Variants in MRPL20 observed in about 807,000 individuals in gnomAD.
MRPL20 encodes mitochondrial ribosomal protein L20, also known as large ribosomal subunit protein bL20m.
Under a neutral mutation model 20.0 loss-of-function variants are expected in MRPL20, and 21 were observed. That is an observed-to-expected ratio of 1.05 (90% CI 0.74 to 1.51). The LOEUF is 1.51. Among genes scored for constraint, MRPL20 ranks in the 40% most tolerant of loss-of-function variants. The pLI is 0.00. For missense variants in MRPL20, 252 were observed against 185.6 expected (o/e 1.36, Z -2.08); for synonymous variants, 104 against 73.0 (o/e 1.43, Z -2.17).
chr1:1,403,956 C>G (rs1645358749), intron 3 of MRPL20, among the ~76,000 whole-genome samples: 1 of 152,198 alleles, frequency 6.6e-6, no homozygotes, highest in Non-Finnish European at 1.5e-5. Context: ...AATCTCCTGC[C>G]TCAGCCTCCC....
rs1260121456 is a variant in MRPL20, at chr1:1,406,899, C to T, written c.198+10G>A. 2.5e-6 allele frequency: 4 copies of T among 1,609,162 alleles called. No homozygotes were observed. The highest frequency in any genetic ancestry group is 2.2e-5 in the South Asian group (2 of 90,962). The stretch of plus-strand genomic sequence containing the variant: ...GCGCTGGCCGGCGGGTGTCCCGGGT[C>T]CACGCTTACGGTCCTCATGTTCTTT... On this transcript the variant is annotated intron_variant, in intron 2 of 3. Coordinates refer to ENST00000344843, the MANE Select transcript of MRPL20 (RefSeq NM_017971.4).
Position 1,406,972 on chromosome 1 carries a change from G to T in MRPL20, c.135C>A (p.Thr45=). ...KNRCYRLAVR[T]VIRAFVKCTK... Reference sequence around the variant, plus strand: ...TGCATTTCACAAAGGCTCGAATCACGGTTCTGACCGCCAACCTGTAGCAGC... The same window carrying T: ...TGCATTTCACAAAGGCTCGAATCACTGTTCTGACCGCCAACCTGTAGCAGC... Residue 45 remains threonine, a synonymous_variant, in exon 2 of 4, where the codon ACC becomes ACA. Coordinates refer to ENST00000344843, the MANE Select transcript of MRPL20 (RefSeq NM_017971.4). 6.2e-7 allele frequency: 1 copy of T among 1,613,850 alleles called. No individual in the cohort carries two copies. The highest frequency in any genetic ancestry group is 1.7e-5 in the Admixed American group (1 of 60,022).
At chr1:1,405,470 C>T in intron 3 of MRPL20, 2 of 597,452 alleles carry the variant, frequency 3.3e-6, no homozygotes, top group South Asian at 2.0e-5. Context: ...AGAGAGTGGT[C>T]TCACTATGTT....
intron 3 of MRPL20, among the ~76,000 whole-genome samples, chr1:1,404,486 A>G (rs1299895888): frequency 6.6e-6 from 1 of 151,332 alleles, no homozygotes; most frequent in Non-Finnish European, 1.5e-5. Context: ...TTTGAAGTTA[A>G]AGTCAAGTTT....
intron 2 of MRPL20, chr1:1,406,608 A>G: frequency 2.4e-6 from 1 of 423,418 alleles, no homozygotes; most frequent in Non-Finnish European, 4.4e-6. Context: ...AAGCCACCGG[A>G]GGGATGAGAG....
At chr1:1,402,536 T>C (rs908221449) in intron 3 of MRPL20, 188 of 1,184,836 alleles carry the variant, frequency 1.6e-4, no homozygotes, top group Non-Finnish European at 1.7e-4. Flanking sequence ...TTCAGGGTCC[T>C]TGGTCACCAC....
chr1:1,405,084 A>C (rs1009119039), intron 3 of MRPL20: 2 of 152,962 alleles, frequency 1.3e-5, no homozygotes, highest in African/African-American at 4.9e-5. Context: ...CCGCCTCCCA[A>C]ATTCAAGCAA....
chr1:1,402,241 T>G lies in MRPL20; in HGVS notation c.292A>C (p.Asn98His), dbSNP rs745802124. 2 of 1,612,298 alleles carry G rather than the reference T, an allele frequency of 1.2e-6. No homozygotes were observed. The highest frequency in any genetic ancestry group is 2.7e-5 in the African/African-American group (2 of 74,832). Residue 98 changes from asparagine (N) to histidine (H), a missense_variant, in exon 4 of 4, where the codon AAC becomes CAC. Physicochemically the swap from Asn to His is moderately conservative, Grantham distance 68. Transcript: ENST00000344843. ...GCCAGATCCGCTAGGACTTTCCTGT[T>G]GAGCTCCACCTGGCACTGAAAAAAG... is the stretch of plus-strand genomic sequence containing the variant. ...GNLVKCQVEL[N>H]RKVLADLAIY...
At chr1:1,402,751 G>A (rs1382161106) in intron 3 of MRPL20, 1 of 498,962 alleles carries the variant, frequency 2.0e-6, no homozygotes, top group Admixed American at 6.3e-5. Flanking sequence ...GGGAGGCCAA[G>A]GCAGGCAGGT....
At chr1:1,405,631 C>T (rs1176499263) in intron 3 of MRPL20, 178 bp downstream of exon 3, 1 of 1,135,260 alleles carries the variant, frequency 8.8e-7, no homozygotes, top group Non-Finnish European at 1.3e-6. Context: ...CATATTGATA[C>T]CACACTTAAC....
At chr1:1,406,094 G>A (rs965913508) in intron 2 of MRPL20, 41 of 616,280 alleles carry the variant, frequency 6.7e-5, no homozygotes, top group Non-Finnish European at 9.6e-5. Flanking sequence ...GGTGTCTCAC[G>A]CCTGTAATCC....
Position 1,401,972 on chromosome 1 carries a change from GAGAC to G in MRPL20, c.*107_*110del. 1 of 1,234,960 alleles carries G rather than the reference GAGAC, an allele frequency of 8.1e-7. No homozygotes were observed. The allele number at this position is 1,234,960 out of a possible 1,614,324, so 76.5% of individuals were successfully genotyped here. On this transcript the variant is annotated 3_prime_UTR_variant, in exon 4 of 4. Coordinates refer to ENST00000344843, the MANE Select transcript of MRPL20 (RefSeq NM_017971.4). ...ATCATCTGTGAGGCTCTGTCCCAGA[GAGAC>G]AGGGCCATCCCTCATGTCTGTTATT...
In MRPL20 at chr1:1,407,113, C is replaced by T. The variant is rs1376225474; in HGVS notation, c.87+18G>A. On this transcript the variant is annotated intron_variant, in intron 1 of 3. Transcript: ENST00000344843. ...TACCCCGGGCGCCCAGTGCCCAGGC[C>T]GGGCAGGCGGCACTCACCCTGGCGT... is the stretch of plus-strand genomic sequence containing the variant. The T allele has an allele frequency of 2.5e-6, 4 of 1,606,902 alleles. No individual in the cohort carries two copies. Among genetic ancestry groups the T allele is most frequent in the Non-Finnish European group, 3.4e-6 (4 of 1,175,816 alleles).
chr1:1,403,517 C>T (rs1436903244), intron 3 of MRPL20, among the ~76,000 whole-genome samples: 2 of 152,148 alleles, frequency 1.3e-5, no homozygotes, highest in African/African-American at 4.8e-5. Context: ...GCTGGGATTA[C>T]AGGCGTGAGC....
At chr1:1,405,403 A>G in intron 3 of MRPL20, 1 of 563,378 alleles carries the variant, frequency 1.8e-6, no homozygotes, top group Non-Finnish European at 3.2e-6. Context: ...CAGACTCCTC[A>G]GTAGCTGACA....
At position 1,405,826 on chromosome 1, in the gene MRPL20, T is replaced by C. The variant is rs140521637; in HGVS notation, c.259A>G (p.Ile87Val). The part of the protein sequence containing the change: ...QEHGLKYPAL[I>V]GNLVKCQVEL... Reference sequence around the variant, plus strand: ...ACCCATACCTTAACTAAATTCCCAATGAGCGCTGGATACTTCAGTCCATGT... The same window carrying C: ...ACCCATACCTTAACTAAATTCCCAACGAGCGCTGGATACTTCAGTCCATGT... Residue 87 changes from isoleucine to valine, a missense_variant, in exon 3 of 4, where the codon ATT becomes GTT. Transcript: ENST00000344843. 1.0e-4 allele frequency: 167 copies of C among 1,614,028 alleles called. No individual in the cohort carries two copies. The highest frequency in any genetic ancestry group is 1.3e-4 in the Non-Finnish European group (156 of 1,180,032).
intron 3 of MRPL20, 39 bp from the exon 4 acceptor site, chr1:1,402,295 GAC>G (rs1349224166): frequency 5.7e-6 from 9 of 1,580,920 alleles, no homozygotes; most frequent in Middle Eastern, 1.7e-4. Context: ...GTCAGTGTGA[GAC>G]ACACACTCCG....
chr1:1,402,388 T>C, intron 3 of MRPL20, 132 bp from the exon 4 acceptor site: 1 of 1,410,924 alleles, frequency 7.1e-7, no homozygotes, highest in South Asian at 1.6e-5. Context: ...AGGAGAATCC[T>C]ATCTGGGTGG....
chr1:1,405,421 T>C (rs920454876), intron 3 of MRPL20: 19 of 582,554 alleles, frequency 3.3e-5, no homozygotes, highest in Non-Finnish European at 5.2e-5. Flanking sequence ...ACATTACATG[T>C]CTCTGTACCA....
Sources: allele counts gnomAD v4.1 joint callset (sites outside exome capture counted in the v4.1 genomes callset), GRCh38; gene constraint gnomAD v4.1.1; transcripts MANE v1.5; gene names NCBI Gene and HGNC (gene_info 2026-07-23, HGNC 2026-07-21).